Variants in COL4A3 observed in about 807,000 individuals in gnomAD.
COL4A3 encodes the protein collagen type IV alpha 3 chain.
A neutral mutation model predicts 217.4 loss-of-function variants in COL4A3; 135 were observed. The observed-to-expected ratio is 0.62, with a 90% CI of 0.54 to 0.72. The LOEUF (loss-of-function observed/expected upper bound fraction) is 0.72, where lower values mean the gene tolerates loss of function less well. COL4A3 is among the 30% of genes least tolerant of loss of function. The pLI is 0.00. For synonymous variants in COL4A3, 690 were observed against 736.3 expected, an observed-to-expected ratio of 0.94 and a Z score of 1.02; for missense variants, 1,868 against 2,119.9, an observed-to-expected ratio of 0.88 and a Z score of 2.33.
intron 28 of COL4A3, 23 bp downstream of exon 28, chr2:227,277,576 C>T (rs372400047): frequency 2.1e-5 from 30 of 1,454,446 alleles, no homozygotes; most frequent in African/African-American, 5.6e-5. Flanking sequence ...TTTTTTCAAA[C>T]ATAAAGTTTG....
chr2:227,280,830 G>A (rs1216154479), intron 30 of COL4A3, 63 bp from the exon 31 acceptor site: 1 of 1,231,792 alleles, frequency 8.1e-7, no homozygotes, highest in Non-Finnish European at 1.2e-6. Context: ...AGAATGACTG[G>A]TACAGCAATA....
intron 1 of COL4A3, among the ~76,000 whole-genome samples, chr2:227,167,958 GATAA>G (rs2065337614): frequency 6.6e-6 from 1 of 152,160 alleles, no homozygotes; most frequent in Admixed American, 6.5e-5. Context: ...TTTCATATGT[GATAA>G]ATAGTTTCAC....
At chr2:227,213,578 T>G (rs572614944) in intron 1 of COL4A3, among the ~76,000 whole-genome samples, 1 of 152,232 alleles carries the variant, frequency 6.6e-6, no homozygotes, top group East Asian at 1.9e-4. Context: ...GAGATACGTA[T>G]TCTTGTTTCC....
intron 2 of COL4A3, 118 bp from the exon 3 acceptor site, chr2:227,240,025 A>G (rs1477320240): frequency 1.0e-6 from 1 of 962,826 alleles, no homozygotes. Flanking sequence ...AATCCAAGGA[A>G]AAAACATGCA....
At chr2:227,213,565 T>C (rs1415638884) in intron 1 of COL4A3, among the ~76,000 whole-genome samples, 1 of 152,146 alleles carries the variant, frequency 6.6e-6, no homozygotes, top group Non-Finnish European at 1.5e-5. Flanking sequence ...ACACCATATG[T>C]AAGAGATACG....
chr2:227,302,279 C>A (rs1393891463), intron 43 of COL4A3, among the ~76,000 whole-genome samples: 1 of 152,154 alleles, frequency 6.6e-6, no homozygotes, highest in Non-Finnish European at 1.5e-5. Flanking sequence ...CCATCATGAT[C>A]AAGTGTAATT....
intron 1 of COL4A3, among the ~76,000 whole-genome samples, chr2:227,171,304 C>T (rs2065464625): frequency 6.6e-6 from 1 of 152,136 alleles, no homozygotes; most frequent in African/African-American, 2.4e-5. Flanking sequence ...CTGTTCTGAA[C>T]TTTATGTATG....
At chr2:227,240,087 T>A (rs1177041328) in intron 2 of COL4A3, 56 bp from the exon 3 acceptor site, 1 of 1,350,294 alleles carries the variant, frequency 7.4e-7, no homozygotes. Context: ...ATTGGTGTGT[T>A]TATTGTGGGA....
chr2:227,210,554 C>T (rs1483193459), intron 1 of COL4A3, among the ~76,000 whole-genome samples: 1 of 152,150 alleles, frequency 6.6e-6, no homozygotes, highest in Non-Finnish European at 1.5e-5. Context: ...CGAACCACTG[C>T]ACACCAGCCT....
At chr2:227,270,470 C>T (rs2071171107) in intron 24 of COL4A3, among the ~76,000 whole-genome samples, 1 of 152,106 alleles carries the variant, frequency 6.6e-6, no homozygotes, top group Non-Finnish European at 1.5e-5. Flanking sequence ...TTCAAAGAGG[C>T]TTGTTAAAAT....
chr2:227,226,811 A>G (rs1046627792), intron 1 of COL4A3, among the ~76,000 whole-genome samples: 2 of 152,222 alleles, frequency 1.3e-5, no homozygotes, highest in African/African-American at 2.4e-5. Context: ...TGCCATAGAA[A>G]AAATATAATG....
intron 1 of COL4A3, among the ~76,000 whole-genome samples, chr2:227,217,503 T>C (rs1225723089): frequency 6.6e-6 from 1 of 152,186 alleles, no homozygotes; most frequent in Non-Finnish European, 1.5e-5. Flanking sequence ...TTTATTTGAC[T>C]GTTTGTACCA....
intron 15 of COL4A3, among the ~76,000 whole-genome samples, 159 bp from the exon 16 acceptor site, chr2:227,255,867 T>C (rs2070133743): frequency 6.6e-6 from 1 of 152,258 alleles, no homozygotes. Context: ...GTGTATTCTG[T>C]GGTTAATAGT....
At chr2:227,294,007 G>C in intron 38 of COL4A3, 1 of 311,936 alleles carries the variant, frequency 3.2e-6, no homozygotes, top group South Asian at 2.8e-5. Context: ...TATGAATTTG[G>C]GGACAACACA....
At chr2:227,186,190 T>C (rs1300410501) in intron 1 of COL4A3, among the ~76,000 whole-genome samples, 31 of 152,260 alleles carry the variant, frequency 2.0e-4, no homozygotes, top group Non-Finnish European at 4.4e-5. Flanking sequence ...ATTTTTCGTA[T>C]ACTTTCAGGC....
intron 1 of COL4A3, among the ~76,000 whole-genome samples, chr2:227,171,064 CA>C (rs2065456337): frequency 6.6e-6 from 1 of 152,142 alleles, no homozygotes; most frequent in South Asian, 2.1e-4. Flanking sequence ...AGTGAATTAA[CA>C]AATGTAGCAT....
intron 38 of COL4A3, 84 bp downstream of exon 38, chr2:227,293,401 C>T (rs2072872451): frequency 9.5e-6 from 14 of 1,469,748 alleles, no homozygotes; most frequent in African/African-American, 1.4e-5. Flanking sequence ...AAACAGAAAG[C>T]TATTTATACT....
rs547403320 is a variant in COL4A3, at chr2:227,241,765, A to T, written c.234+1533A>T. ...ATCAAAGCCAAAGCCAACCTACTGC[A>T]TATGTACTCTGTGCCAGGCATTGGG... On this transcript the variant is annotated intron_variant, in intron 3 of 51. Coordinates refer to ENST00000396578, the MANE Select transcript of COL4A3 (RefSeq NM_000091.5). Among the ~76,000 whole-genome samples the T allele has an allele frequency of 7.2e-5, 11 of 152,328 alleles. No individual in the cohort carries two copies. In the South Asian group the frequency reaches 2.3e-3, roughly 32 times the overall value.
chr2:227,175,558 A>C (rs1208497334), intron 1 of COL4A3, among the ~76,000 whole-genome samples: 1 of 152,204 alleles, frequency 6.6e-6, no homozygotes, highest in Non-Finnish European at 1.5e-5. Flanking sequence ...TTATATGCTG[A>C]TCACAAAGGG....
Sources: gnomAD v4.1 joint callset for allele counts (sites outside exome capture counted in the v4.1 genomes callset) on GRCh38, gnomAD v4.1.1 for gene constraint, MANE v1.5 for transcripts, NCBI Gene and HGNC (gene_info 2026-07-23, HGNC 2026-07-21) for gene names.